The following ASPRV1 variants were observed in gnomAD, a reference collection of about 807,000 sequenced individuals.
ASPRV1 encodes retroviral-like aspartic protease 1.
In ASPRV1, 7 loss-of-function variants were observed where a neutral mutation model predicts 11.0. That is an observed-to-expected ratio of 0.64 (90% confidence interval 0.36 to 1.20). The LOEUF (loss-of-function observed/expected upper bound fraction) is 1.20, where lower values mean the gene tolerates loss of function less well. Among genes scored for constraint, ASPRV1 ranks in the 50% most tolerant of loss-of-function variants. ASPRV1 has a pLI of 0.02. For missense variants in ASPRV1, 299 were observed against 320.0 expected, an observed-to-expected ratio of 0.93 and a Z score of 0.50; for synonymous variants, 136 against 138.4, an observed-to-expected ratio of 0.98 and a Z score of 0.12.
the ASPRV1 span, among the ~76,000 whole-genome samples, chr2:69,946,467 G>C: frequency 1.3e-5 from 2 of 152,164 alleles, no homozygotes; most frequent in Non-Finnish European, 2.9e-5. Flanking sequence ...ACTTCCCAGG[G>C]CTGCTAGGGG....
the ASPRV1 span, among the ~76,000 whole-genome samples, chr2:69,999,513 G>GTAGTTTTTGT: frequency 1.3e-5 from 2 of 151,738 alleles, no homozygotes; most frequent in African/African-American, 4.8e-5. Context: ...AAAACTAGCC[G>GTAGTTTTTGT]GTGTGGTGGG....
chr2:70,032,510 G>T, the ASPRV1 span, among the ~76,000 whole-genome samples: 4 of 151,258 alleles, frequency 2.6e-5, no homozygotes, highest in African/African-American at 9.7e-5. Context: ...AAAAAAAAAT[G>T]ATCTGGCCAT....
At chr2:70,021,806 G>A in the ASPRV1 span, among the ~76,000 whole-genome samples, 1 of 146,604 alleles carries the variant, frequency 6.8e-6, no homozygotes, top group South Asian at 2.2e-4. Flanking sequence ...GGGTTCATGC[G>A]ATTCTCCTGC....
At chr2:70,032,714 T>G in the ASPRV1 span, among the ~76,000 whole-genome samples, 1 of 152,192 alleles carries the variant, frequency 6.6e-6, no homozygotes, top group African/African-American at 2.4e-5. Flanking sequence ...TCCCAAGACT[T>G]TGTGTAAGAC....
the ASPRV1 span, chr2:70,059,904 C>T: frequency 1.3e-5 from 2 of 152,262 alleles, no homozygotes; most frequent in Non-Finnish European, 2.9e-5. Flanking sequence ...ACCACTCACT[C>T]ACCTCCTGCT....
chr2:70,004,114 AAGGGTG>A, the ASPRV1 span, among the ~76,000 whole-genome samples: 1 of 152,160 alleles, frequency 6.6e-6, no homozygotes, highest in South Asian at 2.1e-4. Flanking sequence ...GGAGTCTTCT[AAGGGTG>A]AGGGTTGGCC....
chr2:70,046,283 G>GA, the ASPRV1 span: 1 of 152,164 alleles, frequency 6.6e-6, no homozygotes, highest in African/African-American at 2.4e-5. Context: ...TCACAGCCTT[G>GA]AAACAGTGTG....
upstream of ASPRV1, chr2:69,961,954 A>G: frequency 2.5e-6 from 1 of 401,220 alleles, no homozygotes; most frequent in Non-Finnish European, 4.7e-6. Flanking sequence ...GGAGGCAGGG[A>G]CCAGACGCCC....
chr2:70,015,451 A>G, the ASPRV1 span: 1 of 152,308 alleles, frequency 6.6e-6, no homozygotes, highest in South Asian at 2.1e-4. Flanking sequence ...TACTCACAGG[A>G]TGGGAAACCC....
chr2:70,078,872 G>T, the ASPRV1 span, among the ~76,000 whole-genome samples: 9 of 152,196 alleles, frequency 5.9e-5, no homozygotes, highest in South Asian at 1.7e-3. Context: ...AGATTGAGGG[G>T]GCAAAGAGCA....
chr2:70,073,239 G>A, the ASPRV1 span: 2 of 152,122 alleles, frequency 1.3e-5, no homozygotes, highest in African/African-American at 2.4e-5. Flanking sequence ...GAGACAAGGA[G>A]ACTGCATAAA....
At chr2:69,949,703 C>T in the ASPRV1 span, among the ~76,000 whole-genome samples, 102 of 152,218 alleles carry the variant, frequency 6.7e-4, no homozygotes, top group African/African-American at 2.2e-3. Context: ...GCTTACATTT[C>T]GGCATATTTA....
the ASPRV1 span, chr2:70,016,474 AG>A: frequency 1.5e-5 from 2 of 137,620 alleles, no homozygotes; most frequent in Non-Finnish European, 3.0e-5. Flanking sequence ...CAGGAGTTTA[AG>A]GCCTGCAGTA....
At chr2:69,950,021 G>A in the ASPRV1 span, among the ~76,000 whole-genome samples, 2 of 152,024 alleles carry the variant, frequency 1.3e-5, no homozygotes, top group Non-Finnish European at 2.9e-5. Context: ...TCACTATATT[G>A]GCCAGGCTGG....
chr2:69,964,272 G>A (rs925927062), upstream of ASPRV1: 11 of 431,800 alleles, frequency 2.5e-5, no homozygotes, highest in Admixed American at 3.0e-4. Context: ...ATTCTGTGCT[G>A]CTGTGGCTTG....
At chr2:69,942,669 C>T in the ASPRV1 span, 2 of 152,164 alleles carry the variant, frequency 1.3e-5, no homozygotes, top group Non-Finnish European at 2.9e-5. Context: ...ATTGCTGTTA[C>T]CATCATTTTT....
the ASPRV1 span, among the ~76,000 whole-genome samples, chr2:70,052,466 CATCT>C: frequency 6.6e-6 from 1 of 152,106 alleles, no homozygotes; most frequent in South Asian, 2.1e-4. Context: ...AGTAGACCAA[CATCT>C]AACAAGATTA....
the ASPRV1 span, chr2:70,056,111 A>T: frequency 3.4e-4 from 52 of 152,248 alleles, no homozygotes; most frequent in Admixed American, 1.8e-3. Flanking sequence ...ATACCGTATA[A>T]CTCTATTTAT....
Position 69,960,961 on chromosome 2 carries a change from A to G in ASPRV1, c.476T>C (p.Val159Ala). ...LDTLQPFENV[V>A]KVANGAEMKI... The stretch of plus-strand genomic sequence containing the variant: ...CATTTCAGCACCATTGGCCACCTTT[A>G]CCACATTCTCAAAGGGCTGCAGGGT... Residue 159 changes from valine to alanine, a missense_variant, in exon 1 of 1, where the codon GTA becomes GCA. Physicochemically the swap from Val to Ala is moderately conservative, Grantham distance 64 (BLOSUM62 0). Coordinates refer to ENST00000320256, the MANE Select transcript of ASPRV1 (RefSeq NM_152792.4). 1 of 1,613,978 alleles carries G rather than the reference A, an allele frequency of 6.2e-7. No homozygotes were observed. The highest frequency in any genetic ancestry group is 1.3e-5 in the African/African-American group (1 of 74,988).
Sources: gnomAD v4.1 joint callset for allele counts (sites outside exome capture counted in the v4.1 genomes callset) on GRCh38, gnomAD v4.1.1 for gene constraint, MANE v1.5 for transcripts, NCBI Gene and HGNC (gene_info 2026-07-23, HGNC 2026-07-21) for gene names.